The following ZNF718 variants were observed in gnomAD, a reference collection of about 807,000 sequenced individuals.
The protein encoded by ZNF718 is zinc finger protein 718.
A neutral mutation model predicts 2.6 loss-of-function variants in ZNF718; 3 were observed. That is an observed-to-expected ratio of 1.16 (90% CI 0.53 to 3.01). ZNF718 has a LOEUF of 3.01. Ranked by LOEUF, ZNF718 falls within the 30% of genes most tolerant of loss-of-function variation. ZNF718 has a pLI of 0.03. For synonymous variants in ZNF718, 135 were observed against 77.9 expected (o/e 1.73, Z -3.86); for missense variants, 468 against 230.0 (o/e 2.03, Z -6.69).
intron 3 of ZNF718, among the ~76,000 whole-genome samples, chr4:196,340 A>G (rs374689974): frequency 1.3e-5 from 2 of 152,140 alleles, no homozygotes; most frequent in South Asian, 2.1e-4. Context: ...GTATGCCTAA[A>G]TTGGGAGGGA....
At chr4:184,590 C>A (rs1472226759) in intron 3 of ZNF718, among the ~76,000 whole-genome samples, 1 of 152,124 alleles carries the variant, frequency 6.6e-6, no homozygotes, top group Non-Finnish European at 1.5e-5. Flanking sequence ...AAGAACGCTA[C>A]CAGCTCTTCT....
intron 1 of ZNF718, among the ~76,000 whole-genome samples, chr4:126,066 T>G (rs1715202284): frequency 6.6e-6 from 1 of 152,220 alleles, no homozygotes; most frequent in African/African-American, 2.4e-5. Context: ...TTTCATCAGT[T>G]GTGCCCTGCC....
intron 1 of ZNF718, 112 bp downstream of exon 1, chr4:124,785 C>CTCAGTCCCCTCCGGTGA: frequency 6.9e-7 from 1 of 1,451,538 alleles, no homozygotes; most frequent in Non-Finnish European, 9.4e-7. Flanking sequence ...GCCCTCTGTC[C>CTCAGTCCCCTCCGGTGA]TCAGTCCCCT....
At chr4:170,959 T>C (rs544993498) in intron 3 of ZNF718, among the ~76,000 whole-genome samples, 8 of 152,254 alleles carry the variant, frequency 5.3e-5, no homozygotes, top group African/African-American at 1.4e-4. Context: ...GCTCCGTTTT[T>C]CCCCCATCTT....
chr4:187,213 G>A (rs1717587033), intron 3 of ZNF718, among the ~76,000 whole-genome samples: 1 of 151,536 alleles, frequency 6.6e-6, no homozygotes, highest in Non-Finnish European at 1.5e-5. Flanking sequence ...TGTTTTTTGG[G>A]GTTTTTTTTG....
chr4:166,872 A>C (rs1295368187), downstream of ZNF718, among the ~76,000 whole-genome samples: 1 of 151,286 alleles, frequency 6.6e-6, no homozygotes, highest in Non-Finnish European at 1.5e-5. Flanking sequence ...CCCATTTGTC[A>C]ATTTTGGCTT....
chr4:158,794 T>C (rs1716690337), intron 3 of ZNF718, among the ~76,000 whole-genome samples: 2 of 151,958 alleles, frequency 1.3e-5, no homozygotes, highest in Admixed American at 6.6e-5. Flanking sequence ...CTTTATATTT[T>C]TGTATGTGCA....
chr4:182,538 A>T (rs1717489261), intron 3 of ZNF718, among the ~76,000 whole-genome samples: 1 of 151,990 alleles, frequency 6.6e-6, no homozygotes, highest in African/African-American at 2.4e-5. Flanking sequence ...GGTATAAGCG[A>T]TTCTTCTGCC....
chr4:130,702 A>T, intron 1 of ZNF718, 86 bp from the exon 2 acceptor site: 1 of 199,084 alleles, frequency 5.0e-6, no homozygotes, highest in Non-Finnish European at 9.3e-6. Context: ...AGACCGTACC[A>T]CTGCACTCCA....
intron 3 of ZNF718, among the ~76,000 whole-genome samples, chr4:196,748 C>T (rs782751427): frequency 1.3e-5 from 2 of 152,008 alleles, no homozygotes; most frequent in Non-Finnish European, 2.9e-5. Context: ...GACCAACACT[C>T]CCAACCCAGA....
At chr4:169,568 G>T (rs1553817574) in intron 3 of ZNF718, among the ~76,000 whole-genome samples, 2 of 152,170 alleles carry the variant, frequency 1.3e-5, no homozygotes, top group Non-Finnish European at 2.9e-5. Flanking sequence ...AGGATAGTTA[G>T]TTATTCTTGT....
At chr4:183,044 T>A (rs1157281369) in intron 3 of ZNF718, among the ~76,000 whole-genome samples, 3 of 152,214 alleles carry the variant, frequency 2.0e-5, no homozygotes, top group Non-Finnish European at 4.4e-5. Flanking sequence ...TTGAAATGGC[T>A]TTTTGCATCT....
chr4:159,725 G>A (rs1389859619), intron 3 of ZNF718, among the ~76,000 whole-genome samples: 4 of 151,696 alleles, frequency 2.6e-5, no homozygotes, highest in Admixed American at 2.0e-4. Context: ...TTCACTCATT[G>A]AGCATTATTC....
intron 3 of ZNF718, among the ~76,000 whole-genome samples, chr4:149,564 GTGT>G (rs1716223537): frequency 6.6e-6 from 1 of 151,972 alleles, no homozygotes; most frequent in Non-Finnish European, 1.5e-5. Flanking sequence ...TGATCAAGTG[GTGT>G]TTAATTCAAA....
At chr4:160,171 T>C (rs1387657916) in intron 3 of ZNF718, among the ~76,000 whole-genome samples, 1 of 152,226 alleles carries the variant, frequency 6.6e-6, no homozygotes, top group African/African-American at 2.4e-5. Context: ...AGAAACCAGC[T>C]TTTGTAATAA....
At chr4:131,550 A>G in intron 3 of ZNF718, 45 bp downstream of exon 3, 1 of 350,926 alleles carries the variant, frequency 2.8e-6, no homozygotes, top group South Asian at 5.9e-5. Flanking sequence ...AAGGAGGCCA[A>G]AAGTCAAGAA....
intron 3 of ZNF718, among the ~76,000 whole-genome samples, chr4:144,974 G>T (rs1715984820): frequency 6.6e-6 from 1 of 150,976 alleles, no homozygotes; most frequent in Non-Finnish European, 1.5e-5. Flanking sequence ...TCTTTTGTTT[G>T]ATATAGCCAC....
intron 3 of ZNF718, among the ~76,000 whole-genome samples, chr4:192,372 T>C: frequency 6.6e-6 from 1 of 152,196 alleles, no homozygotes; most frequent in East Asian, 1.9e-4. Context: ...GACTATTTCT[T>C]TACCTCTTGC....
intron 1 of ZNF718, 38 bp downstream of exon 1, chr4:124,711 G>A (rs782520143): frequency 1.4e-5 from 23 of 1,606,888 alleles, no homozygotes; most frequent in Non-Finnish European, 1.8e-5. Context: ...GGCTGTGGAG[G>A]CCTCATCGGA....
Sources: allele counts gnomAD v4.1 joint callset (sites outside exome capture counted in the v4.1 genomes callset), GRCh38; gene constraint gnomAD v4.1.1; transcripts MANE v1.5; gene names NCBI Gene and HGNC (gene_info 2026-07-23, HGNC 2026-07-21).